Variants in PDCD6IP observed in about 807,000 individuals in gnomAD.
The protein encoded by PDCD6IP is programmed cell death 6 interacting protein.
PDCD6IP carries 43 observed loss-of-function variants against 103.7 expected under a neutral mutation model. The ratio of observed to expected loss-of-function variants is 0.41; its 90% confidence interval spans 0.32 to 0.53. The LOEUF is 0.53. Ranked by LOEUF, PDCD6IP falls within the 20% of genes least tolerant of loss-of-function variation. The probability of loss-of-function intolerance (pLI) is 0.16; values close to 1 mark genes in which losing one functional copy is unlikely to be tolerated. For missense variants in PDCD6IP, 871 were observed against 1,036.7 expected (o/e 0.84, Z 2.20); for synonymous variants, 354 against 378.7 (o/e 0.93, Z 0.76).
At chr3:33,836,008 C>CTT (rs34046608) in intron 7 of PDCD6IP, 36 bp from the exon 8 acceptor site, 1,003 of 924,862 alleles carry the variant, frequency 1.1e-3, no homozygotes, top group Non-Finnish European at 1.4e-3. Flanking sequence ...TCACCTCCCT[C>CTT]TTTTTTTTTT....
At chr3:33,817,480 G>T (rs1329955499) in intron 3 of PDCD6IP, among the ~76,000 whole-genome samples, 1 of 152,214 alleles carries the variant, frequency 6.6e-6, no homozygotes, top group Non-Finnish European at 1.5e-5. Flanking sequence ...GAGGCTGGAA[G>T]TGGTGGCTCG....
chr3:33,865,417 C>A lies in PDCD6IP; in HGVS notation c.2419C>A (p.Pro807Thr). ...GCAGGGACCACCCTATCCCACCTAT[C>A]CAGGATATCCTGGGTAAGGCTGCAA... ...QAQGPPYPTYPGYPGYCQMPM... is the reference protein window; with the variant it reads ...QAQGPPYPTYTGYPGYCQMPM... Residue 807 changes from proline to threonine, a missense_variant, in exon 17 of 18, where the codon CCA (proline) becomes ACA (threonine). Transcript: ENST00000307296. The A allele has an allele frequency of 7.6e-6, 12 of 1,589,364 alleles. No homozygotes were observed. Among genetic ancestry groups the A allele is most frequent in the Non-Finnish European group, 1.0e-5 (12 of 1,169,882 alleles).
chr3:33,799,842 C>T (rs1276695466), intron 1 of PDCD6IP, among the ~76,000 whole-genome samples: 2 of 152,104 alleles, frequency 1.3e-5, no homozygotes, highest in Non-Finnish European at 2.9e-5. Flanking sequence ...CTTATTCTGC[C>T]GGGCGCGGTG....
chr3:33,816,673 A>C (rs1696861600), intron 3 of PDCD6IP, among the ~76,000 whole-genome samples: 1 of 152,144 alleles, frequency 6.6e-6, no homozygotes, highest in Admixed American at 6.5e-5. Context: ...GAGTATCCTG[A>C]ATAAGCATCA....
chr3:33,843,832 C>T (rs1402198009), intron 10 of PDCD6IP, among the ~76,000 whole-genome samples: 1 of 148,200 alleles, frequency 6.7e-6, no homozygotes, highest in African/African-American at 2.5e-5. Context: ...TTAAAACTTT[C>T]TTTAAATTGA....
At chr3:33,855,504 C>T (rs1367423322) in intron 15 of PDCD6IP, among the ~76,000 whole-genome samples, 2 of 152,190 alleles carry the variant, frequency 1.3e-5, no homozygotes, top group South Asian at 2.1e-4. Flanking sequence ...ATGATAAAAA[C>T]AGTTCAGGTG....
chr3:33,834,942 A>T (rs1036791820), intron 7 of PDCD6IP, among the ~76,000 whole-genome samples: 1 of 152,160 alleles, frequency 6.6e-6, no homozygotes, highest in African/African-American at 2.4e-5. Flanking sequence ...GCTGAGACAG[A>T]TATGTTAAAA....
At chr3:33,833,897 T>C (rs1326881081) in intron 7 of PDCD6IP, among the ~76,000 whole-genome samples, 1 of 152,102 alleles carries the variant, frequency 6.6e-6, no homozygotes. Flanking sequence ...TGTTAAGGGC[T>C]CCCTCCTAAG....
At chr3:33,801,430 A>G (rs1471080720) in intron 1 of PDCD6IP, among the ~76,000 whole-genome samples, 1 of 152,178 alleles carries the variant, frequency 6.6e-6, no homozygotes, top group African/African-American at 2.4e-5. Context: ...TTTTCTTATT[A>G]CTAACTTGTA....
At chr3:33,838,422 A>G (rs1423696472) in intron 9 of PDCD6IP, 95 bp downstream of exon 9, 1 of 1,166,434 alleles carries the variant, frequency 8.6e-7, no homozygotes, top group South Asian at 1.5e-5. Flanking sequence ...CTAAATGTCA[A>G]GAGTATATAA....
In PDCD6IP at chr3:33,833,909, T is replaced by G. The variant is rs530205085; in HGVS notation, c.835-2135T>G. Among the ~76,000 whole-genome samples, 5 of 152,252 alleles carry G rather than the reference T, an allele frequency of 3.3e-5. No homozygotes were observed. The South Asian group carries it at 1.0e-3, about 32-fold the overall frequency. On this transcript the variant is annotated intron_variant, in intron 7 of 17. Coordinates refer to ENST00000307296, the MANE Select transcript of PDCD6IP (RefSeq NM_013374.6). ...TTGTGTTAAGGGCTCCCTCCTAAGG[T>G]CCACTTCTCTGGCTCTTAAAGCCTA...
chr3:33,861,138 C>T (rs893801441), intron 15 of PDCD6IP, among the ~76,000 whole-genome samples: 1 of 147,030 alleles, frequency 6.8e-6, no homozygotes, highest in Non-Finnish European at 1.5e-5. Context: ...TCTTAGAAAT[C>T]TAATCTGTAT....
chr3:33,846,857 C>A (rs1197948309), intron 12 of PDCD6IP, among the ~76,000 whole-genome samples: 1 of 152,182 alleles, frequency 6.6e-6, no homozygotes, highest in Non-Finnish European at 1.5e-5. Context: ...ACCTTGGTCC[C>A]TAACATAAAG....
At chr3:33,839,950 T>C (rs563341546) in intron 9 of PDCD6IP, among the ~76,000 whole-genome samples, 1 of 152,358 alleles carries the variant, frequency 6.6e-6, no homozygotes, top group South Asian at 2.1e-4. Flanking sequence ...AGTGAGTTTT[T>C]CTTAATAGTT....
At chr3:33,813,332 T>C in intron 2 of PDCD6IP, 1 of 408,810 alleles carries the variant, frequency 2.4e-6, no homozygotes, top group South Asian at 4.7e-5. Context: ...AGATAGTGTT[T>C]ATGATTACCA....
At chr3:33,851,470 T>G (rs1697712553) in intron 12 of PDCD6IP, among the ~76,000 whole-genome samples, 1 of 151,988 alleles carries the variant, frequency 6.6e-6, no homozygotes, top group South Asian at 2.1e-4. Flanking sequence ...AATCTCTGTT[T>G]TGTTTTTGTA....
At chr3:33,847,671 G>A (rs1697624098) in intron 12 of PDCD6IP, among the ~76,000 whole-genome samples, 1 of 152,152 alleles carries the variant, frequency 6.6e-6, no homozygotes, top group Non-Finnish European at 1.5e-5. Context: ...CTACTGTCTG[G>A]TTACTTATTT....
In PDCD6IP at chr3:33,836,136, T is replaced by C; in HGVS notation, c.927T>C (p.Ala309=). 6.2e-7 allele frequency: 1 copy of C among 1,611,494 alleles called. No individual in the cohort carries two copies. Among genetic ancestry groups the C allele is most frequent in the Non-Finnish European group, 8.5e-7 (1 of 1,177,614 alleles). Residue 309 remains alanine, a synonymous_variant, in exon 8 of 18, where the codon GCT becomes GCC. Coordinates refer to ENST00000307296, the MANE Select transcript of PDCD6IP (RefSeq NM_013374.6). ...DFSDKINRAL[A]AAKKDNDFIY... ...CTGACAAAATCAATCGTGCCCTTGC[T>C]GCAGCAAAGAAGGATAATGACTTCA...
chr3:33,831,764 GCA>G (rs60549910), intron 7 of PDCD6IP, among the ~76,000 whole-genome samples: 4 of 148,850 alleles, frequency 2.7e-5, no homozygotes, highest in Non-Finnish European at 3.0e-5. Flanking sequence ...TACATAGACA[GCA>G]CACACACACA....
Sources: gnomAD v4.1 joint callset for allele counts (sites outside exome capture counted in the v4.1 genomes callset) on GRCh38, gnomAD v4.1.1 for gene constraint, MANE v1.5 for transcripts, NCBI Gene and HGNC (gene_info 2026-07-23, HGNC 2026-07-21) for gene names.